Variants in PDGFD observed in about 807,000 individuals in gnomAD.
PDGFD encodes platelet derived growth factor D, also known as platelet-derived growth factor D.
A neutral mutation model predicts 44.7 loss-of-function variants in PDGFD; 30 were observed. The observed-to-expected ratio is 0.67, with a 90% CI of 0.50 to 0.91. PDGFD has a LOEUF of 0.91. Ranked by LOEUF, PDGFD falls within the 40% of genes least tolerant of loss-of-function variation. The pLI is 0.00. For synonymous variants in PDGFD, 173 were observed against 168.4 expected (o/e 1.03, Z -0.21); for missense variants, 445 against 457.8 (o/e 0.97, Z 0.25).
intron 3 of PDGFD, among the ~76,000 whole-genome samples, chr11:103,991,824 TAA>T (rs1859457840): frequency 6.6e-6 from 1 of 152,224 alleles, no homozygotes; most frequent in African/African-American, 2.4e-5. Flanking sequence ...CAAAACAACC[TAA>T]TGTCATGCAG....
intron 2 of PDGFD, among the ~76,000 whole-genome samples, chr11:103,999,379 C>T (rs537618873): frequency 6.6e-6 from 1 of 152,162 alleles, no homozygotes; most frequent in Non-Finnish European, 1.5e-5. Context: ...TGTGAGCGGA[C>T]ATTCAAAGAA....
At chr11:103,997,884 CTCTTTCCCG>C (rs1219987263) in intron 2 of PDGFD, among the ~76,000 whole-genome samples, 1 of 152,134 alleles carries the variant, frequency 6.6e-6, no homozygotes, top group Non-Finnish European at 1.5e-5. Flanking sequence ...TCTGGTCTGT[CTCTTTCCCG>C]TCTTTCTCTC....
chr11:104,027,444 TACA>T (rs1196167157), intron 1 of PDGFD, among the ~76,000 whole-genome samples: 1 of 152,270 alleles, frequency 6.6e-6, no homozygotes, highest in African/African-American at 2.4e-5. Flanking sequence ...CTTTTCTATT[TACA>T]AGACAAATTC....
intron 3 of PDGFD, among the ~76,000 whole-genome samples, chr11:103,987,003 G>A (rs1859376270): frequency 6.6e-6 from 1 of 151,988 alleles, no homozygotes; most frequent in South Asian, 2.1e-4. Context: ...AGCACAAGAG[G>A]AGAGCTTCAA....
chr11:104,089,822 C>T (rs1861184966), intron 1 of PDGFD, among the ~76,000 whole-genome samples: 2 of 152,144 alleles, frequency 1.3e-5, no homozygotes, highest in Admixed American at 1.3e-4. Context: ...CAAACATAAT[C>T]AATTAGTCAC....
intron 1 of PDGFD, among the ~76,000 whole-genome samples, chr11:104,080,065 A>G (rs1861022055): frequency 6.6e-6 from 1 of 152,162 alleles, no homozygotes; most frequent in Non-Finnish European, 1.5e-5. Context: ...CTTCCCCACT[A>G]ATTCTACACT....
chr11:103,914,598 G>A (rs1173389829), intron 6 of PDGFD, among the ~76,000 whole-genome samples: 1 of 152,062 alleles, frequency 6.6e-6, no homozygotes, highest in African/African-American at 2.4e-5. Context: ...CTCATTTTAC[G>A]AGGCCAGCAT....
chr11:103,920,005 T>A (rs767430081), intron 6 of PDGFD, among the ~76,000 whole-genome samples: 6 of 152,224 alleles, frequency 3.9e-5, no homozygotes, highest in African/African-American at 1.4e-4. Flanking sequence ...AGGGATAACA[T>A]ATTATTTCCT....
chr11:104,000,310 TC>T, intron 1 of PDGFD, 55 bp from the exon 2 acceptor site: 1 of 1,446,866 alleles, frequency 6.9e-7, no homozygotes, highest in South Asian at 1.2e-5. Flanking sequence ...TACAGGAAAG[TC>T]AAAAAAAGAG....
chr11:103,907,737 CT>C lies in PDGFD; in HGVS notation c.*1956del, dbSNP rs905910154. 5.3e-5 allele frequency: 8 copies of C among 152,122 alleles called. No individual in the cohort carries two copies. The highest frequency in any genetic ancestry group is 1.2e-4 in the Non-Finnish European group (8 of 68,016). 9.4% of individuals were successfully genotyped at this position (152,122 alleles called of 1,614,324 possible). A position where few individuals can be genotyped will look rare whatever the true frequency, so the allele number is the denominator to read the frequency against. On this transcript the variant is annotated 3_prime_UTR_variant, in exon 7 of 7. Transcript: ENST00000393158. ...TAGAGTGATGTAACGTTCATTTTGA[CT>C]TTGGTACAGGAAACTGATGTTTTCA...
intron 3 of PDGFD, among the ~76,000 whole-genome samples, chr11:103,991,320 TC>T (rs879855600): frequency 3.9e-4 from 59 of 152,214 alleles, no homozygotes; most frequent in Non-Finnish European, 6.3e-4. Flanking sequence ...CCTCCTCTCT[TC>T]CTTCTCCTCC....
intron 1 of PDGFD, among the ~76,000 whole-genome samples, chr11:104,065,758 G>C (rs187085143): frequency 6.7e-4 from 102 of 152,168 alleles, no homozygotes; most frequent in Middle Eastern, 3.4e-3. Flanking sequence ...AACTGCCCTT[G>C]AATCGTTTGA....
At chr11:104,000,832 G>T (rs562402737) in intron 1 of PDGFD, among the ~76,000 whole-genome samples, 2 of 152,212 alleles carry the variant, frequency 1.3e-5, no homozygotes, top group African/African-American at 4.8e-5. Flanking sequence ...GTTAAAATAG[G>T]TCCAATTCTT....
chr11:104,028,375 T>A (rs1182475486), intron 1 of PDGFD, among the ~76,000 whole-genome samples: 3 of 151,496 alleles, frequency 2.0e-5, no homozygotes. Context: ...GCTATATCCA[T>A]CCCTACGAAC....
At position 104,079,385 on chromosome 11, in the gene PDGFD, TTTTC is replaced by T. The variant is rs537857134; in HGVS notation, c.125-79134_125-79131del. On this transcript the variant is annotated intron_variant, in intron 1 of 6. Transcript: ENST00000393158. ...CTAAGGGCCAATTTCTTTTCTTTTCTTTTCTTTCTTTTTCTTTTTCGAGACAGAG... is the reference window on the plus strand; with the variant it reads ...CTAAGGGCCAATTTCTTTTCTTTTCTTTTCTTTTTCTTTTTCGAGACAGAG... Among the ~76,000 whole-genome samples the T allele has an allele frequency of 1.8e-3, 268 of 151,942 alleles. 2 individuals carry two copies. Among genetic ancestry groups the T allele is most frequent in the East Asian group, 5.8e-4 (3 of 5,178 alleles).
intron 3 of PDGFD, among the ~76,000 whole-genome samples, chr11:103,976,780 C>T (rs186302283): frequency 1.3e-5 from 2 of 152,048 alleles, no homozygotes; most frequent in Admixed American, 1.3e-4. Context: ...TTATCAAAGG[C>T]CTTTTCGGCA....
intron 5 of PDGFD, among the ~76,000 whole-genome samples, chr11:103,942,854 A>G (rs1483875454): frequency 1.3e-5 from 2 of 152,084 alleles, no homozygotes; most frequent in South Asian, 4.1e-4. Flanking sequence ...CCACACAGAC[A>G]TTGGCAAATT....
intron 3 of PDGFD, among the ~76,000 whole-genome samples, chr11:103,970,898 A>C (rs1317722254): frequency 6.6e-6 from 1 of 152,154 alleles, no homozygotes; most frequent in East Asian, 1.9e-4. Flanking sequence ...ATGGCCTCAC[A>C]ATGGAAGCAG....
At chr11:104,009,175 C>A (rs1859745843) in intron 1 of PDGFD, among the ~76,000 whole-genome samples, 1 of 152,084 alleles carries the variant, frequency 6.6e-6, no homozygotes, top group Non-Finnish European at 1.5e-5. Context: ...TTCCATTTCA[C>A]AACCTACCAG....
Sources: gnomAD v4.1 joint callset for allele counts (sites outside exome capture counted in the v4.1 genomes callset) on GRCh38, gnomAD v4.1.1 for gene constraint, MANE v1.5 for transcripts, NCBI Gene and HGNC (gene_info 2026-07-23, HGNC 2026-07-21) for gene names.